MTRFR: variants seen among roughly 807,000 people sequenced by gnomAD.
MTRFR encodes the protein probable peptide chain release factor C12orf65, mitochondrial.
A neutral mutation model predicts 11.9 loss-of-function variants in MTRFR; 10 were observed. The observed-to-expected ratio is 0.84, with a 90% CI of 0.52 to 1.42. The LOEUF (loss-of-function observed/expected upper bound fraction) is 1.42. Ranked by LOEUF, MTRFR falls within the 40% of genes most tolerant of loss-of-function variation. The probability of loss-of-function intolerance (pLI) is 0.00; values close to 1 mark genes in which losing one functional copy is unlikely to be tolerated. For missense variants in MTRFR, 196 were observed against 197.9 expected (o/e 0.99, Z 0.06); for synonymous variants, 77 against 79.1 (o/e 0.97, Z 0.14).
At chr12:123,249,953 T>C (rs1180215976) in intron 1 of MTRFR, 1 of 152,282 alleles carries the variant, frequency 6.6e-6, no homozygotes, top group African/African-American at 2.4e-5. Context: ...TTTTCCTCGA[T>C]TATTCCCCCA....
intron 1 of MTRFR, among the ~76,000 whole-genome samples, chr12:123,242,954 G>A (rs2047965404): frequency 6.6e-6 from 1 of 152,180 alleles, no homozygotes; most frequent in Non-Finnish European, 1.5e-5. Context: ...ATACACAAAT[G>A]AATTTTGTTT....
intron 1 of MTRFR, among the ~76,000 whole-genome samples, chr12:123,239,142 G>A (rs1188523505): frequency 2.0e-5 from 3 of 152,118 alleles, no homozygotes; most frequent in Non-Finnish European, 4.4e-5. Flanking sequence ...GCTGGTACAT[G>A]CCTGTAGTTC....
intron 1 of MTRFR, chr12:123,249,556 G>C (rs1253155522): frequency 6.5e-6 from 1 of 153,600 alleles, no homozygotes; most frequent in Non-Finnish European, 1.4e-5. Context: ...CACAGCTGCT[G>C]GCCGGGGTGC....
At chr12:123,241,895 G>C (rs1223321413) in intron 1 of MTRFR, among the ~76,000 whole-genome samples, 1 of 152,196 alleles carries the variant, frequency 6.6e-6, no homozygotes, top group Non-Finnish European at 1.5e-5. Flanking sequence ...CCACTCAGTA[G>C]CACATAGGTT....
chr12:123,235,805 T>G (rs2047841916), intron 1 of MTRFR, among the ~76,000 whole-genome samples: 1 of 152,036 alleles, frequency 6.6e-6, no homozygotes, highest in African/African-American at 2.4e-5. Context: ...GGCTCATGCC[T>G]GTACTCCCAG....
intron 1 of MTRFR, chr12:123,250,034 T>C (rs1160085698): frequency 6.6e-6 from 1 of 152,252 alleles, no homozygotes; most frequent in Non-Finnish European, 1.5e-5. Flanking sequence ...TTTGGTCGTT[T>C]AACACAATCC....
chr12:123,246,883 A>G (rs1793141187), intron 1 of MTRFR, among the ~76,000 whole-genome samples: 2 of 151,550 alleles, frequency 1.3e-5, no homozygotes, highest in South Asian at 4.1e-4. Flanking sequence ...GGCACACACC[A>G]CCACGCCCGG....
intron 1 of MTRFR, among the ~76,000 whole-genome samples, chr12:123,247,835 C>G (rs1008017664): frequency 3.9e-5 from 6 of 151,976 alleles, no homozygotes; most frequent in Non-Finnish European, 8.8e-5. Flanking sequence ...GTCCCAGCTA[C>G]TTGGGAGGCT....
At chr12:123,238,871 TA>T (rs960363970) in intron 1 of MTRFR, among the ~76,000 whole-genome samples, 2 of 152,128 alleles carry the variant, frequency 1.3e-5, no homozygotes, top group African/African-American at 4.8e-5. Context: ...CATTGTCCCA[TA>T]AAGTAGCCAC....
chr12:123,235,829 C>G (rs1228479566), intron 1 of MTRFR, among the ~76,000 whole-genome samples: 1 of 150,982 alleles, frequency 6.6e-6, no homozygotes, highest in Admixed American at 6.6e-5. Context: ...TTCGGGAGGC[C>G]GAGGCAAGCG....
At chr12:123,255,289 G>GA (rs1443701819) in intron 2 of MTRFR, among the ~76,000 whole-genome samples, 3 of 152,120 alleles carry the variant, frequency 2.0e-5, no homozygotes, top group Admixed American at 1.3e-4. Flanking sequence ...CTGGGTTTCT[G>GA]AGCCACAAGC....
intron 1 of MTRFR, among the ~76,000 whole-genome samples, chr12:123,247,933 A>C (rs1405064539): frequency 2.0e-5 from 3 of 151,914 alleles, no homozygotes; most frequent in Non-Finnish European, 1.5e-5. Flanking sequence ...CAACAGAGTG[A>C]GACTCTGTCT....
At chr12:123,240,818 C>T (rs993217087) in intron 1 of MTRFR, 2 of 148,746 alleles carry the variant, frequency 1.3e-5, no homozygotes, top group Non-Finnish European at 3.0e-5. Flanking sequence ...ACCACAACCT[C>T]CGACTCCCGA....
intron 1 of MTRFR, among the ~76,000 whole-genome samples, chr12:123,244,791 C>A (rs1271716128): frequency 6.6e-6 from 1 of 151,854 alleles, no homozygotes; most frequent in Non-Finnish European, 1.5e-5. Context: ...TGCCAACACA[C>A]CTGGCTAATT....
intron 1 of MTRFR, among the ~76,000 whole-genome samples, chr12:123,236,572 G>A (rs1476626486): frequency 2.0e-5 from 3 of 150,794 alleles, no homozygotes; most frequent in African/African-American, 7.3e-5. Flanking sequence ...CCACTTGGGT[G>A]ACAGAGGGAG....
In MTRFR at chr12:123,253,734, A is replaced by G; in HGVS notation, c.60A>G (p.Pro20=). 3 of 1,614,134 alleles carry G rather than the reference A, an allele frequency of 1.9e-6. No individual in the cohort carries two copies. The highest frequency in any genetic ancestry group is 2.5e-6 in the Non-Finnish European group (3 of 1,180,032). Reference sequence around the variant, plus strand: ...CACTGACCCGAATATGCCCGGCGCCATGGGGACTCCGGCTTTGGGAGAAGC... The same window carrying G: ...CACTGACCCGAATATGCCCGGCGCCGTGGGGACTCCGGCTTTGGGAGAAGC... ...PTPLTRICPA[P]WGLRLWEKLT... is the part of the protein sequence containing the mutation. Residue 20 remains proline, a synonymous_variant, in exon 2 of 3, where the codon CCA becomes CCG. Transcript: ENST00000253233.
Position 123,253,908 on chromosome 12 carries a change from C to A in MTRFR, c.234C>A (p.Thr78=), listed in dbSNP as rs140942886. ...HGPGGQATNK[T]SNCVVLKHIP... ...CAGGGGGCCAGGCAACCAACAAAAC[C>A]AGCAACTGCGTGGTGCTGAAGCACA... is the stretch of plus-strand genomic sequence containing the variant. The change falls in exon 2 of 3, where the codon ACC becomes ACA. Residue 78 remains threonine, a synonymous_variant. Coordinates refer to ENST00000253233, the MANE Select transcript of MTRFR (RefSeq NM_152269.5). 3.0e-5 allele frequency: 48 copies of A among 1,614,088 alleles called. No individual in the cohort carries two copies. Among genetic ancestry groups the A allele is most frequent in the Middle Eastern group, 1.6e-4 (1 of 6,084 alleles).
chr12:123,256,939 A>G lies in MTRFR; in HGVS notation c.409A>G (p.Lys137Glu). The G allele has an allele frequency of 1.2e-6, 2 of 1,613,880 alleles. No individual in the cohort carries two copies. The highest frequency in any genetic ancestry group is 2.2e-5 in the South Asian group (2 of 90,960). Residue 137 changes from lysine (K) to glutamate (E), a missense_variant, in exon 3 of 3, where the codon AAA becomes GAA. Coordinates refer to ENST00000253233, the MANE Select transcript of MTRFR (RefSeq NM_152269.5). ...VHKEKREAAK[K>E]KQERKKRAKE... ...CAAAGAAAAACGAGAAGCGGCGAAGAAAAAACAAGAAAGGAAAAAAAGAGC... is the reference window on the plus strand; with the variant it reads ...CAAAGAAAAACGAGAAGCGGCGAAGGAAAAACAAGAAAGGAAAAAAAGAGC...
chr12:123,248,539 A>T (rs2337630), intron 1 of MTRFR: 79,536 of 152,320 alleles, frequency 0.52, 25,011 homozygotes, highest in East Asian at 0.7. Flanking sequence ...AGATGTTCAG[A>T]TGCATCCAGA....
Sources: gnomAD v4.1 joint callset for allele counts (sites outside exome capture counted in the v4.1 genomes callset) on GRCh38, gnomAD v4.1.1 for gene constraint, MANE v1.5 for transcripts, NCBI Gene and HGNC (gene_info 2026-07-23, HGNC 2026-07-21) for gene names.